AGPS: variants seen among roughly 807,000 people sequenced by gnomAD.
AGPS encodes the protein alkylglycerone phosphate synthase, also known as alkyldihydroxyacetonephosphate synthase, peroxisomal.
AGPS carries 26 observed loss-of-function variants against 90.7 expected under a neutral mutation model. The observed-to-expected ratio is 0.29, with a 90% CI of 0.21 to 0.40. AGPS has a LOEUF of 0.40. Ranked by LOEUF, AGPS falls within the 10% of genes least tolerant of loss-of-function variation. The pLI is 1.00. For missense variants in AGPS, 540 were observed against 816.1 expected (o/e 0.66, Z 4.12); for synonymous variants, 294 against 285.3 (o/e 1.03, Z -0.31).
intron 17 of AGPS, among the ~76,000 whole-genome samples, chr2:177,518,225 G>A (rs898366632): frequency 2.0e-5 from 3 of 152,132 alleles, no homozygotes; most frequent in African/African-American, 7.2e-5. Context: ...CTTGAGGTCA[G>A]GAGTTTGAGA....
In AGPS at chr2:177,471,126, A is replaced by C. The variant is rs538302036; in HGVS notation, c.1105+2602A>C. Among the ~76,000 whole-genome samples, 3 of 152,320 alleles carry C rather than the reference A, an allele frequency of 2.0e-5. No individual in the cohort carries two copies. In the South Asian group the frequency reaches 6.2e-4, roughly 32 times the overall value. On this transcript the variant is annotated intron_variant, in intron 10 of 19. Transcript: ENST00000264167. Reference sequence around the variant, plus strand: ...ATATAGAGTTATTTTAATATAGGCCAGGAGACAGCATGATTGAAATAGTAA... The same window carrying C: ...ATATAGAGTTATTTTAATATAGGCCCGGAGACAGCATGATTGAAATAGTAA...
rs774467690 is a variant in AGPS, at chr2:177,521,301, T to A, written c.1730T>A (p.Ile577Asn). 3.7e-6 allele frequency: 6 copies of A among 1,614,164 alleles called. No homozygotes were observed. Among genetic ancestry groups the A allele is most frequent in the Non-Finnish European group, 5.1e-6 (6 of 1,179,986 alleles). Residue 577 changes from isoleucine (I) to asparagine (N), a missense_variant, in exon 18 of 20, where the codon ATC (isoleucine) becomes AAC (asparagine). Coordinates refer to ENST00000264167, the MANE Select transcript of AGPS (RefSeq NM_003659.4). Reference sequence around the variant, plus strand: ...CAGACTTACGATGCAGGTGCTTGTATCTACTTCTATTTTGCCTTTAACTAC... The same window carrying A: ...CAGACTTACGATGCAGGTGCTTGTAACTACTTCTATTTTGCCTTTAACTAC... ...VTQTYDAGAC[I>N]YFYFAFNYRG... is the part of the protein sequence containing the mutation.
At chr2:177,536,166 C>T (rs1258754540) in intron 19 of AGPS, among the ~76,000 whole-genome samples, 2 of 152,134 alleles carry the variant, frequency 1.3e-5, no homozygotes, top group African/African-American at 4.8e-5. Context: ...ACCAGGCAGA[C>T]AAGCTAGCTG....
rs1685171255 is a variant in AGPS, at chr2:177,396,285, A to G, written c.260+3236A>G. Among the ~76,000 whole-genome samples the G allele has an allele frequency of 3.3e-5, 5 of 152,202 alleles. No homozygotes were observed. The South Asian group carries it at 8.3e-4, about 25-fold the overall frequency. On this transcript the variant is annotated intron_variant, in intron 1 of 19. Transcript: ENST00000264167. ...AATGAAAGGAGGGCAGTGGCAGGTCATGGAGGTCTTTGGCTTGTGGGTTAT... is the reference window on the plus strand; with the variant it reads ...AATGAAAGGAGGGCAGTGGCAGGTCGTGGAGGTCTTTGGCTTGTGGGTTAT...
intron 19 of AGPS, among the ~76,000 whole-genome samples, chr2:177,527,868 A>G (rs538081825): frequency 6.6e-6 from 1 of 152,150 alleles, no homozygotes; most frequent in African/African-American, 2.4e-5. Context: ...TGTCTATCCT[A>G]TTTCTTGTAT....
intron 2 of AGPS, among the ~76,000 whole-genome samples, chr2:177,431,403 A>G (rs1383717372): frequency 6.6e-6 from 1 of 152,176 alleles, no homozygotes; most frequent in Non-Finnish European, 1.5e-5. Flanking sequence ...TATTGTCTTG[A>G]TAAACATCTT....
chr2:177,479,851 T>A (rs1309913575), intron 10 of AGPS, among the ~76,000 whole-genome samples: 1 of 152,206 alleles, frequency 6.6e-6, no homozygotes, highest in African/African-American at 2.4e-5. Context: ...TAGATTGTAA[T>A]GACAGTTGCA....
intron 16 of AGPS, among the ~76,000 whole-genome samples, chr2:177,512,545 G>GT (rs1421559343): frequency 6.6e-6 from 1 of 152,100 alleles, no homozygotes; most frequent in East Asian, 1.9e-4. Flanking sequence ...AAATGCTACT[G>GT]TTTTTTATCA....
chr2:177,446,745 A>G (rs1230691221), intron 8 of AGPS, among the ~76,000 whole-genome samples: 2 of 152,166 alleles, frequency 1.3e-5, no homozygotes, highest in Non-Finnish European at 1.5e-5. Context: ...AGTGACATGA[A>G]GTAGTAGAAA....
chr2:177,415,239 A>G (rs780526152), intron 1 of AGPS, among the ~76,000 whole-genome samples: 21 of 152,168 alleles, frequency 1.4e-4, no homozygotes, highest in Non-Finnish European at 2.5e-4. Context: ...CTTACAAACA[A>G]TGCTCCAGGG....
At chr2:177,517,122 T>C (rs1444500855) in intron 17 of AGPS, among the ~76,000 whole-genome samples, 1 of 152,114 alleles carries the variant, frequency 6.6e-6, no homozygotes, top group Non-Finnish European at 1.5e-5. Context: ...TTCTGTTAAA[T>C]TAAATTCTTT....
intron 17 of AGPS, among the ~76,000 whole-genome samples, chr2:177,517,927 T>C (rs894847197): frequency 6.6e-6 from 1 of 152,220 alleles, no homozygotes; most frequent in Non-Finnish European, 1.5e-5. Context: ...TGAGTTTGTC[T>C]GATGTTTTCT....
chr2:177,508,663 C>T (rs1358526880), intron 16 of AGPS, among the ~76,000 whole-genome samples: 15 of 151,900 alleles, frequency 9.9e-5, no homozygotes, highest in Non-Finnish European at 1.0e-4. Context: ...TTAGGAAATG[C>T]GAAATGGTTT....
At chr2:177,533,463 C>T (rs1031683801) in intron 19 of AGPS, among the ~76,000 whole-genome samples, 1 of 151,792 alleles carries the variant, frequency 6.6e-6, no homozygotes, top group Non-Finnish European at 1.5e-5. Context: ...TGTTGGCTGT[C>T]TCTTACCACA....
At chr2:177,495,641 C>T (rs946546600) in intron 12 of AGPS, among the ~76,000 whole-genome samples, 5 of 152,104 alleles carry the variant, frequency 3.3e-5, no homozygotes, top group Admixed American at 2.6e-4. Context: ...GGTGCAGTGC[C>T]TCACGCCTGT....
intron 11 of AGPS, among the ~76,000 whole-genome samples, chr2:177,491,159 T>C (rs1004183551): frequency 4.6e-5 from 7 of 151,362 alleles, no homozygotes; most frequent in African/African-American, 1.7e-4. Flanking sequence ...CAGCCTAGGT[T>C]GCAGACTTTA....
At chr2:177,491,771 CCCT>C (rs1282109688) in intron 11 of AGPS, among the ~76,000 whole-genome samples, 2 of 122,388 alleles carry the variant, frequency 1.6e-5, no homozygotes, top group African/African-American at 6.4e-5. Flanking sequence ...CCCCCCCCCC[CCCT>C]TTTTTTTCAT....
intron 13 of AGPS, 97 bp downstream of exon 13, chr2:177,497,862 G>C: frequency 1.8e-6 from 1 of 553,030 alleles, no homozygotes; most frequent in Admixed American, 3.3e-5. Flanking sequence ...GTTTTTCCAT[G>C]TTGCTATGTA....
Position 177,440,140 on chromosome 2 carries a change from A to T in AGPS, c.638-825A>T, listed in dbSNP as rs183431383. 2.8e-4 allele frequency among the ~76,000 whole-genome samples: 42 copies of T among 152,264 alleles called. No individual in the cohort carries two copies. The East Asian group carries it at 6.7e-3, about 24-fold the overall frequency. On this transcript the variant is annotated intron_variant, in intron 5 of 19. Transcript: ENST00000264167. ...GTCTAAGATATGTAAATACTGTGTC[A>T]CTAGGTTTTCCCACTATAAGGATAC...
Sources: allele counts gnomAD v4.1 joint callset (sites outside exome capture counted in the v4.1 genomes callset), GRCh38; gene constraint gnomAD v4.1.1; transcripts MANE v1.5; gene names NCBI Gene and HGNC (gene_info 2026-07-23, HGNC 2026-07-21).